MARS1: variants seen among roughly 807,000 people sequenced by gnomAD.
MARS1 encodes the protein methionyl-tRNA synthetase 1.
Under a neutral mutation model 119.5 loss-of-function variants are expected in MARS1, and 80 were observed. That is an observed-to-expected ratio of 0.67 (90% CI 0.56 to 0.81). The LOEUF is 0.81. MARS1 is among the 30% of genes least tolerant of loss of function. The pLI is 0.00. For synonymous variants in MARS1, 418 were observed against 433.4 expected (o/e 0.96, Z 0.44); for missense variants, 945 against 1,116.5 (o/e 0.85, Z 2.19).
intron 11 of MARS1, among the ~76,000 whole-genome samples, chr12:57,508,227 G>C (rs1011076899): frequency 9.8e-5 from 15 of 152,352 alleles, no homozygotes; most frequent in African/African-American, 3.4e-4. Context: ...TGGGTGGCCA[G>C]GCAGAGATGC....
rs1422332837 is a variant in MARS1, at chr12:57,515,987, G to A, written c.2459G>A (p.Gly820Asp). 1 of 1,613,978 alleles carries A rather than the reference G, an allele frequency of 6.2e-7. No individual in the cohort carries two copies. The highest frequency in any genetic ancestry group is 1.3e-5 in the African/African-American group (1 of 74,906). Reference protein sequence around the residue: ...IESLRQRFGGGQAKTSPKPAV... With the variant: ...IESLRQRFGGDQAKTSPKPAV... ...AGTTTAAGGCAGCGCTTTGGAGGGG[G>A]CCAGGTGAGAAAGCTAAAGGCTGTG... Residue 820 changes from glycine to aspartate, a missense_variant, in exon 19 of 21, where the codon GGC (glycine) becomes GAC (aspartate). Gly to Asp is a moderately conservative substitution (Grantham distance 94). Coordinates refer to ENST00000262027, the MANE Select transcript of MARS1 (RefSeq NM_004990.4).
At chr12:57,507,662 GCCCCCCACC>G (rs1877266343) in intron 11 of MARS1, among the ~76,000 whole-genome samples, 1 of 91,830 alleles carries the variant, frequency 1.1e-5, no homozygotes, top group Admixed American at 1.1e-4. Flanking sequence ...CGGGGGTCTG[GCCCCCCACC>G]TCCCTCCCGG....
At chr12:57,488,605 T>A in intron 1 of MARS1, 5 of 1,551,118 alleles carry the variant, frequency 3.2e-6, no homozygotes, top group Non-Finnish European at 3.5e-6. Context: ...CGTTCCTTTC[T>A]GTTTACCTCT....
rs551633010 is a variant in MARS1, at chr12:57,511,788, C to T, written c.1459C>T (p.Arg487Trp). 90 of 1,614,162 alleles carry T rather than the reference C, an allele frequency of 5.6e-5. No individual in the cohort carries two copies. The South Asian group carries it at 8.0e-4, about 14-fold the overall frequency. ...CCAGTTTATCACCCGTTCTTGGCTT[C>T]GGGATGGCCTCAAGCCACGCTGCAT... is the stretch of plus-strand genomic sequence containing the variant. ...NAQFITRSWL[R>W]DGLKPRCITR... Residue 487 changes from arginine (R) to tryptophan (W), a missense_variant, in exon 12 of 21, where the codon CGG becomes TGG. Transcript: ENST00000262027.
At chr12:57,498,993 A>G (rs1876779499) in intron 9 of MARS1, among the ~76,000 whole-genome samples, 1 of 152,014 alleles carries the variant, frequency 6.6e-6, no homozygotes, top group Admixed American at 6.6e-5. Context: ...CCTTATAAAA[A>G]CTTTGCATAG....
intron 15 of MARS1, among the ~76,000 whole-genome samples, chr12:57,513,545 T>C (rs1877624109): frequency 6.8e-6 from 1 of 147,912 alleles, no homozygotes; most frequent in African/African-American, 2.5e-5. Context: ...ACTTGGGAGA[T>C]TGAGGCTGCA....
chr12:57,493,490 A>T (rs1414608333), intron 7 of MARS1, among the ~76,000 whole-genome samples: 1 of 9,524 alleles, frequency 1.0e-4, no homozygotes, highest in African/African-American at 3.1e-4. Flanking sequence ...ATAATATATA[A>T]TATATTATAA....
Position 57,488,348 on chromosome 12 carries a change from C to T in MARS1, c.109+149C>T, listed in dbSNP as rs1231673707. ...ATTATCCTTGATCACTCCACGCCTTCTTCCCTCCCAGTCACATCTTTCACT... is the reference window on the plus strand; with the variant it reads ...ATTATCCTTGATCACTCCACGCCTTTTTCCCTCCCAGTCACATCTTTCACT... On this transcript the variant is annotated intron_variant, in intron 1 of 20. Transcript: ENST00000262027. The T allele has an allele frequency of 5.2e-6, 4 of 767,484 alleles. No individual in the cohort carries two copies. The South Asian group carries it at 7.0e-5, about 13-fold the overall frequency. 47.5% of individuals were successfully genotyped at this position (767,484 alleles called of 1,614,324 possible). A position where few individuals can be genotyped will look rare whatever the true frequency, so the allele number is the denominator to read the frequency against.
intron 7 of MARS1, 88 bp from the exon 8 acceptor site, chr12:57,498,069 A>G: frequency 1.2e-6 from 1 of 826,342 alleles, no homozygotes; most frequent in Non-Finnish European, 2.1e-6. Context: ...CAGTAGAACA[A>G]ATCTGTGTCC....
chr12:57,511,437 CATG>C (rs931727937), intron 11 of MARS1: 5 of 482,284 alleles, frequency 1.0e-5, no homozygotes, highest in Admixed American at 1.0e-4. Context: ...TACAGTCTGG[CATG>C]GTGGTGTGCA....
At chr12:57,493,911 T>C (rs1408800964) in intron 7 of MARS1, among the ~76,000 whole-genome samples, 3 of 72,002 alleles carry the variant, frequency 4.2e-5, no homozygotes, top group South Asian at 3.4e-4. Flanking sequence ...ATATAATATA[T>C]ATAATATATA....
intron 11 of MARS1, among the ~76,000 whole-genome samples, chr12:57,506,698 A>T (rs531909485): frequency 6.8e-4 from 103 of 152,124 alleles, no homozygotes; most frequent in Middle Eastern, 3.4e-3. Context: ...TTTTCTTGAG[A>T]TGGAGTCCCG....
intron 15 of MARS1, among the ~76,000 whole-genome samples, chr12:57,513,614 CAA>C (rs34526594): frequency 9.3e-4 from 69 of 74,364 alleles, no homozygotes; most frequent in Admixed American, 1.4e-3. Flanking sequence ...GATCCTGTCT[CAA>C]AAAAAAAAAA....
intron 15 of MARS1, among the ~76,000 whole-genome samples, chr12:57,513,290 G>T (rs1345534106): frequency 1.3e-5 from 2 of 152,092 alleles, no homozygotes; most frequent in Non-Finnish European, 2.9e-5. Context: ...TGAAAAGTTT[G>T]GCTGAAGAAA....
chr12:57,498,322 CA>C (rs775643962), intron 8 of MARS1, 49 bp downstream of exon 8: 1 of 1,599,426 alleles, frequency 6.3e-7, no homozygotes. Context: ...GGGCGGGTCC[CA>C]GGGGAATAGG....
intron 7 of MARS1, among the ~76,000 whole-genome samples, chr12:57,496,272 T>G (rs1364141930): frequency 2.0e-5 from 3 of 151,524 alleles, no homozygotes; most frequent in Non-Finnish European, 4.4e-5. Flanking sequence ...CAAGTGATTC[T>G]CCTGTCTCAG....
chr12:57,488,114 C>T lies in MARS1; in HGVS notation c.24C>T (p.Gly8=). Residue 8 remains glycine, a synonymous_variant, in exon 1 of 21, where the codon GGC becomes GGT. Coordinates refer to ENST00000262027, the MANE Select transcript of MARS1 (RefSeq NM_004990.4). MRLFVSD[G]VPGCLPVLAA... is the part of the protein sequence containing the mutation. Reference sequence around the variant, plus strand: ...AAATGAGACTGTTCGTGAGTGATGGCGTCCCGGGTTGCTTGCCGGTGCTGG... The same window carrying T: ...AAATGAGACTGTTCGTGAGTGATGGTGTCCCGGGTTGCTTGCCGGTGCTGG... 1 of 1,614,160 alleles carries T rather than the reference C, an allele frequency of 6.2e-7. No individual in the cohort carries two copies. Among genetic ancestry groups the T allele is most frequent in the African/African-American group, 1.3e-5 (1 of 75,062 alleles).
chr12:57,494,519 T>A (rs1338240747), intron 7 of MARS1, among the ~76,000 whole-genome samples: 1 of 142,800 alleles, frequency 7.0e-6, no homozygotes, highest in African/African-American at 2.6e-5. Flanking sequence ...TTTTTTTTTT[T>A]AGTATTTATT....
intron 7 of MARS1, among the ~76,000 whole-genome samples, chr12:57,493,585 A>AAT (rs1876246292): frequency 9.2e-5 from 1 of 10,924 alleles, no homozygotes; most frequent in African/African-American, 7.2e-4. Flanking sequence ...TATAATATAT[A>AAT]ATATATTATA....
Sources: gnomAD v4.1 joint callset for allele counts (sites outside exome capture counted in the v4.1 genomes callset) on GRCh38, gnomAD v4.1.1 for gene constraint, MANE v1.5 for transcripts, NCBI Gene and HGNC (gene_info 2026-07-23, HGNC 2026-07-21) for gene names.